KCNAB1: variants seen among roughly 807,000 people sequenced by gnomAD.
The protein encoded by KCNAB1 is voltage-gated potassium channel subunit beta-1.
In KCNAB1, 35 loss-of-function variants were observed where a neutral mutation model predicts 64.6. The ratio of observed to expected loss-of-function variants is 0.54; its 90% CI spans 0.41 to 0.72. The LOEUF (loss-of-function observed/expected upper bound fraction) is 0.72, where lower values mean the gene tolerates loss of function less well. Among genes scored for constraint, KCNAB1 ranks in the 30% least tolerant of loss-of-function variants. The pLI is 0.00. For synonymous variants in KCNAB1, 177 were observed against 183.8 expected (o/e 0.96, Z 0.30); for missense variants, 401 against 512.9 (o/e 0.78, Z 2.11).
intron 1 of KCNAB1, among the ~76,000 whole-genome samples, chr3:156,314,257 TATGTTAGGTGCGGTGTC>T (rs1289815138): frequency 6.6e-6 from 1 of 152,196 alleles, no homozygotes; most frequent in African/African-American, 2.4e-5. Flanking sequence ...ATGTATTTGG[TATGTTAGGTGCGGTGTC>T]AAAAATGTAC....
intron 1 of KCNAB1, among the ~76,000 whole-genome samples, chr3:156,314,264 G>C (rs969315508): frequency 2.4e-4 from 34 of 140,544 alleles, no homozygotes; most frequent in African/African-American, 1.1e-3. Context: ...TGGTATGTTA[G>C]GTGCGGTGTC....
At chr3:156,399,649 A>T (rs572161299) in intron 1 of KCNAB1, among the ~76,000 whole-genome samples, 1 of 152,258 alleles carries the variant, frequency 6.6e-6, no homozygotes, top group African/African-American at 2.4e-5. Flanking sequence ...TTGCTTAGAG[A>T]TGGAAACTCA....
chr3:156,304,813 G>T (rs1156692723), intron 1 of KCNAB1, among the ~76,000 whole-genome samples: 1 of 152,132 alleles, frequency 6.6e-6, no homozygotes, highest in Non-Finnish European at 1.5e-5. Flanking sequence ...TGCCTCAAGG[G>T]AGGAATAAAA....
At chr3:156,301,348 T>G (rs1721144973) in intron 1 of KCNAB1, among the ~76,000 whole-genome samples, 1 of 152,186 alleles carries the variant, frequency 6.6e-6, no homozygotes, top group Admixed American at 6.5e-5. Flanking sequence ...TCTGAGGCAT[T>G]TGAGGAAAAT....
rs34628325 is a variant in KCNAB1 at position 156,501,422 on chromosome 3, C to CTT, written c.659-12917_659-12916dup. ...GTCCATGGACAGGAAGACTTAGTAC[C>CTT]TTTTTTTTTTTTTTTTTTTTTTTTT... On this transcript the variant is annotated intron_variant, in intron 8 of 13. Coordinates refer to ENST00000490337, the MANE Select transcript of KCNAB1 (RefSeq NM_172160.3). 6.6e-3 allele frequency among the ~76,000 whole-genome samples: 549 copies of CTT among 82,566 alleles called. 46 individuals are homozygous for CTT. The highest frequency in any genetic ancestry group is 0.01 in the African/African-American group (221 of 21,586). 54.2% of individuals were successfully genotyped at this position (82,566 alleles called of 152,430 possible).
chr3:156,511,794 C>A (rs1437185051), intron 8 of KCNAB1, among the ~76,000 whole-genome samples: 1 of 152,192 alleles, frequency 6.6e-6, no homozygotes, highest in Non-Finnish European at 1.5e-5. Flanking sequence ...ATTCTACCAT[C>A]CCCTTACCTG....
intron 1 of KCNAB1, among the ~76,000 whole-genome samples, chr3:156,339,556 T>C (rs113382330): frequency 8.1e-4 from 124 of 152,350 alleles, no homozygotes; most frequent in African/African-American, 2.9e-3. Flanking sequence ...AGTGCCTTTA[T>C]TATTATGGCC....
chr3:156,407,859 C>A (rs1293615912), intron 1 of KCNAB1, among the ~76,000 whole-genome samples: 6 of 152,204 alleles, frequency 3.9e-5, no homozygotes, highest in Non-Finnish European at 7.3e-5. Context: ...TTCAAAACTG[C>A]AAAACAGGAT....
chr3:156,334,518 G>A (rs1225863715), intron 1 of KCNAB1, among the ~76,000 whole-genome samples: 2 of 152,156 alleles, frequency 1.3e-5, no homozygotes, highest in Non-Finnish European at 2.9e-5. Context: ...TTTTATCTCA[G>A]CCTCAGTTTC....
At chr3:156,216,053 T>C (rs1715299235) in intron 1 of KCNAB1, among the ~76,000 whole-genome samples, 1 of 152,192 alleles carries the variant, frequency 6.6e-6, no homozygotes, top group African/African-American at 2.4e-5. Flanking sequence ...CCTTTGGATA[T>C]AGTGGGTAGC....
intron 1 of KCNAB1, among the ~76,000 whole-genome samples, chr3:156,297,179 AC>A (rs907884914): frequency 2.0e-5 from 3 of 151,862 alleles, no homozygotes; most frequent in African/African-American, 7.3e-5. Flanking sequence ...ATCTTGGGTA[AC>A]CATTAATCTT....
intron 3 of KCNAB1, among the ~76,000 whole-genome samples, chr3:156,454,319 T>G (rs550566407): frequency 1.3e-5 from 2 of 152,286 alleles, no homozygotes; most frequent in Non-Finnish European, 2.9e-5. Context: ...CATGGGGATC[T>G]CCAAAGCTGA....
intron 1 of KCNAB1, among the ~76,000 whole-genome samples, chr3:156,397,113 C>T (rs989526277): frequency 3.3e-5 from 5 of 152,160 alleles, no homozygotes; most frequent in African/African-American, 1.2e-4. Flanking sequence ...CAGAGCAAGG[C>T]CTCCTTCTAT....
At chr3:156,462,653 T>C (rs1266007376) in intron 5 of KCNAB1, among the ~76,000 whole-genome samples, 1 of 152,234 alleles carries the variant, frequency 6.6e-6, no homozygotes, top group East Asian at 1.9e-4. Flanking sequence ...TCATTCCCCA[T>C]TGGTTATCAT....
At chr3:156,256,938 C>T (rs1402713682) in intron 1 of KCNAB1, among the ~76,000 whole-genome samples, 6 of 152,254 alleles carry the variant, frequency 3.9e-5, no homozygotes, top group East Asian at 1.9e-4. Flanking sequence ...GTGGTGGCCC[C>T]GGCCACAGAG....
rs914552234 is a variant in KCNAB1, at chr3:156,333,331, CACACACACACAT to C, written c.276-88273_276-88262del. On this transcript the variant is annotated intron_variant, in intron 1 of 13. Transcript: ENST00000490337. ...AAACGCACATAGAAACACACACACA[CACACACACACAT>C]ACACACACACACACACACGTGTATA... Among the ~76,000 whole-genome samples the C allele has an allele frequency of 4.0e-4, 58 of 145,872 alleles. 1 individual carries two copies. The highest frequency in any genetic ancestry group is 2.3e-3 in the Admixed American group (34 of 14,716).
At chr3:156,220,181 T>C (rs185366480) in intron 1 of KCNAB1, among the ~76,000 whole-genome samples, 2 of 152,312 alleles carry the variant, frequency 1.3e-5, no homozygotes, top group Admixed American at 1.3e-4. Flanking sequence ...TAAATATACG[T>C]GTGCATGTGT....
At chr3:156,223,747 C>G (rs1196821424) in intron 1 of KCNAB1, among the ~76,000 whole-genome samples, 1 of 152,210 alleles carries the variant, frequency 6.6e-6, no homozygotes, top group African/African-American at 2.4e-5. Flanking sequence ...GTTTACAAAC[C>G]TTGAGCTAGA....
chr3:156,491,482 A>G (rs1559913140), intron 8 of KCNAB1, among the ~76,000 whole-genome samples: 1 of 152,126 alleles, frequency 6.6e-6, no homozygotes, highest in African/African-American at 2.4e-5. Flanking sequence ...ATGAAAATAT[A>G]TGGGAGAAAG....
Sources: allele counts gnomAD v4.1 joint callset (sites outside exome capture counted in the v4.1 genomes callset), GRCh38; gene constraint gnomAD v4.1.1; transcripts MANE v1.5; gene names NCBI Gene and HGNC (gene_info 2026-07-23, HGNC 2026-07-21).